Variants in SOX6 observed in about 807,000 individuals in gnomAD.
SOX6 encodes the protein transcription factor SOX-6.
In SOX6, 11 loss-of-function variants were observed where a neutral mutation model predicts 97.8. The ratio of observed to expected loss-of-function variants is 0.11; its 90% confidence interval spans 0.07 to 0.19. SOX6 has a LOEUF of 0.19. Among genes scored for constraint, SOX6 ranks in the 10% least tolerant of loss-of-function variants. The pLI is 1.00. For missense variants in SOX6, 810 were observed against 1,039.5 expected, an observed-to-expected ratio of 0.78 and a Z score of 3.04; for synonymous variants, 360 against 371.4, an observed-to-expected ratio of 0.97 and a Z score of 0.35.
intron 1 of SOX6, among the ~76,000 whole-genome samples, chr11:16,364,164 A>C (rs1181554749): frequency 6.6e-6 from 1 of 152,136 alleles, no homozygotes; most frequent in African/African-American, 2.4e-5. Context: ...AGTTGGGCTA[A>C]AAAATTTGTA....
chr11:16,435,853 T>A (rs1859365919), intron 1 of SOX6, among the ~76,000 whole-genome samples: 1 of 152,098 alleles, frequency 6.6e-6, no homozygotes. Context: ...CCACTGTTTA[T>A]AAACATAATT....
At chr11:16,014,609 T>A (rs1854827261) in intron 13 of SOX6, among the ~76,000 whole-genome samples, 2 of 152,110 alleles carry the variant, frequency 1.3e-5, no homozygotes, top group South Asian at 2.1e-4. Flanking sequence ...TTTCCCTTTT[T>A]AAATACAAAT....
chr11:15,972,447 C>T lies in SOX6; in HGVS notation c.*362G>A. 3.7e-6 allele frequency: 1 copy of T among 270,946 alleles called. No homozygotes were observed. Among genetic ancestry groups the T allele is most frequent in the Admixed American group, 5.0e-5 (1 of 19,848 alleles). 16.8% of individuals were successfully genotyped at this position (270,946 alleles called of 1,614,324 possible). A position where few individuals can be genotyped will look rare whatever the true frequency, so the allele number is the denominator to read the frequency against. Reference sequence around the variant, plus strand: ...AGCATACCTGAGTGAGAATGTTTAACCCCATCTAAAACAGTAACTTAAACC... The same window carrying T: ...AGCATACCTGAGTGAGAATGTTTAATCCCATCTAAAACAGTAACTTAAACC... On this transcript the variant is annotated 3_prime_UTR_variant, in exon 16 of 16. Coordinates refer to ENST00000683767, the MANE Select transcript of SOX6 (RefSeq NM_001367873.1).
intron 9 of SOX6, among the ~76,000 whole-genome samples, chr11:16,082,171 CTCT>C (rs1428742027): frequency 6.6e-6 from 1 of 152,050 alleles, no homozygotes; most frequent in Admixed American, 6.6e-5. Context: ...CTGGTTGGTC[CTCT>C]TCTGGAAAGT....
intron 4 of SOX6, 89 bp downstream of exon 4, chr11:16,234,493 G>T: frequency 1.3e-6 from 1 of 756,020 alleles, no homozygotes; most frequent in Non-Finnish European, 2.3e-6. Context: ...AAGATTTACT[G>T]TTACAGTACA....
intron 3 of SOX6, among the ~76,000 whole-genome samples, chr11:16,637,259 C>T (rs1221390440): frequency 6.6e-6 from 1 of 152,194 alleles, no homozygotes; most frequent in Non-Finnish European, 1.5e-5. Context: ...CTTGCTCTAT[C>T]GCCCAGGCTG....
At chr11:16,043,907 G>A (rs1855751231) in intron 12 of SOX6, among the ~76,000 whole-genome samples, 1 of 151,342 alleles carries the variant, frequency 6.6e-6, no homozygotes. Context: ...TTGATGCAGG[G>A]GTACAAAAGC....
chr11:16,683,665 A>G (rs1163223317), intron 3 of SOX6, among the ~76,000 whole-genome samples: 1 of 152,226 alleles, frequency 6.6e-6, no homozygotes, highest in African/African-American at 2.4e-5. Flanking sequence ...CATTCAGGAC[A>G]TAGGCATGGG....
chr11:16,281,451 A>T (rs567252558), intron 3 of SOX6, among the ~76,000 whole-genome samples: 2 of 152,214 alleles, frequency 1.3e-5, no homozygotes, highest in South Asian at 2.1e-4. Flanking sequence ...AGACACACAT[A>T]AATATTTATA....
chr11:16,512,499 C>T (rs1340780491), intron 4 of SOX6, among the ~76,000 whole-genome samples: 4 of 152,134 alleles, frequency 2.6e-5, no homozygotes, highest in Non-Finnish European at 5.9e-5. Context: ...GTGTGCAGTG[C>T]TCAAGAAGCA....
At chr11:16,511,876 A>G (rs1037546080) in intron 4 of SOX6, among the ~76,000 whole-genome samples, 2 of 152,226 alleles carry the variant, frequency 1.3e-5, no homozygotes, top group African/African-American at 4.8e-5. Context: ...ATTAAAAACA[A>G]AAGGAAGGAG....
rs78251260 is a variant in SOX6 at position 16,173,612 on chromosome 11, G to GTT, written c.777+10272_777+10273dup. ...TTTTTAAACTACTAGAAAAGTGTTTGTTTTTTTTAAAGAAACTACTAGACA... is the reference window on the plus strand; with the variant it reads ...TTTTTAAACTACTAGAAAAGTGTTTGTTTTTTTTTTAAAGAAACTACTAGACA... On this transcript the variant is annotated intron_variant, in intron 6 of 15. Coordinates refer to ENST00000683767, the MANE Select transcript of SOX6 (RefSeq NM_001367873.1). Among the ~76,000 whole-genome samples the GTT allele has an allele frequency of 6.4e-3, 941 of 146,022 alleles. 5 individuals are homozygous for GTT. Among genetic ancestry groups the GTT allele is most frequent in the South Asian group, 0.013 (60 of 4,686 alleles).
intron 3 of SOX6, among the ~76,000 whole-genome samples, chr11:16,630,942 T>C (rs1565198314): frequency 6.6e-6 from 1 of 152,220 alleles, no homozygotes; most frequent in Non-Finnish European, 1.5e-5. Context: ...ATGACAGACC[T>C]TTCTCTAACC....
chr11:16,441,957 A>C (rs998475645), intron 1 of SOX6, among the ~76,000 whole-genome samples: 1 of 152,188 alleles, frequency 6.6e-6, no homozygotes, highest in African/African-American at 2.4e-5. Flanking sequence ...ACAAACTTTA[A>C]ATAATTTGTG....
chr11:16,599,646 A>T (rs1848247048), intron 4 of SOX6, among the ~76,000 whole-genome samples: 1 of 152,198 alleles, frequency 6.6e-6, no homozygotes, highest in Non-Finnish European at 1.5e-5. Context: ...TTAAGTATTT[A>T]AAAAAGGATT....
At chr11:16,717,460 T>C (rs993057175) in intron 2 of SOX6, among the ~76,000 whole-genome samples, 7 of 152,160 alleles carry the variant, frequency 4.6e-5, no homozygotes, top group African/African-American at 1.7e-4. Flanking sequence ...CGTCACCAAA[T>C]GTTATTCATT....
At chr11:16,727,596 AT>A (rs200734807) in intron 2 of SOX6, among the ~76,000 whole-genome samples, 170 of 145,518 alleles carry the variant, frequency 1.2e-3, no homozygotes, top group African/African-American at 1.0e-3. Flanking sequence ...CACCCAGCAA[AT>A]TTTTTTTTTT....
At chr11:16,484,320 G>C in intron 4 of SOX6, 1 of 954,702 alleles carries the variant, frequency 1.0e-6, no homozygotes, top group Non-Finnish European at 1.7e-6. Context: ...TCCCTCCCAG[G>C]CTTAAAGCCA....
intron 4 of SOX6, chr11:16,484,480 CCT>C (rs1340940252): frequency 1.2e-6 from 1 of 809,868 alleles, no homozygotes; most frequent in African/African-American, 1.7e-5. Context: ...CCACCTGCTC[CCT>C]GAGCTTCTCC....
Sources: gnomAD v4.1 joint callset for allele counts (sites outside exome capture counted in the v4.1 genomes callset) on GRCh38, gnomAD v4.1.1 for gene constraint, MANE v1.5 for transcripts, NCBI Gene and HGNC (gene_info 2026-07-23, HGNC 2026-07-21) for gene names.